Variants in C8orf34 observed in about 807,000 individuals in gnomAD.
The protein encoded by C8orf34 is uncharacterized protein C8orf34.
In C8orf34, 65 loss-of-function variants were observed where a neutral mutation model predicts 68.3. That is an observed-to-expected ratio of 0.95 (90% CI 0.78 to 1.17). The LOEUF (loss-of-function observed/expected upper bound fraction) is 1.17. C8orf34 is among the 50% of genes most tolerant of loss of function. C8orf34 has a pLI of 0.00. For missense variants in C8orf34, 664 were observed against 655.4 expected (o/e 1.01, Z -0.14); for synonymous variants, 244 against 241.2 (o/e 1.01, Z -0.11).
rs545258846 is a variant in C8orf34, at chr8:68,578,642, C to CTATATATATATA, written c.1105+45497_1105+45508dup. ...TCTATAGTTCATTGCAGATTAAATACTATATATATATATATTTCAATATTG... is the reference window on the plus strand; with the variant it reads ...TCTATAGTTCATTGCAGATTAAATACTATATATATATATATATATATATATATTTCAATATTG... On this transcript the variant is annotated intron_variant, in intron 7 of 13. Coordinates refer to ENST00000518698, the MANE Select transcript of C8orf34 (RefSeq NM_052958.4). Among the ~76,000 whole-genome samples the CTATATATATATA allele has an allele frequency of 9.6e-4, 143 of 148,798 alleles. 1 individual carries two copies. Among genetic ancestry groups the CTATATATATATA allele is most frequent in the African/African-American group, 3.4e-3 (136 of 39,694 alleles).
chr8:68,467,719 T>C (rs1314114258), intron 3 of C8orf34, among the ~76,000 whole-genome samples: 1 of 151,974 alleles, frequency 6.6e-6, no homozygotes, highest in Non-Finnish European at 1.5e-5. Context: ...AAGATAAATT[T>C]TTCAGTCCTT....
chr8:68,563,002 T>C (rs1042946575), intron 7 of C8orf34, among the ~76,000 whole-genome samples: 1 of 152,172 alleles, frequency 6.6e-6, no homozygotes, highest in Non-Finnish European at 1.5e-5. Flanking sequence ...ACTATAATTT[T>C]TTAAAACACA....
At chr8:68,626,559 G>T (rs1188332206) in intron 7 of C8orf34, among the ~76,000 whole-genome samples, 4 of 152,080 alleles carry the variant, frequency 2.6e-5, no homozygotes, top group Non-Finnish European at 5.9e-5. Context: ...CAATGCAGAA[G>T]CACTTATAAA....
chr8:68,508,058 A>T (rs1462979483), intron 5 of C8orf34, among the ~76,000 whole-genome samples: 1 of 152,226 alleles, frequency 6.6e-6, no homozygotes, highest in African/African-American at 2.4e-5. Flanking sequence ...TCACAAAGAT[A>T]TATATTAATC....
intron 10 of C8orf34, among the ~76,000 whole-genome samples, chr8:68,737,608 C>A (rs1461267199): frequency 6.6e-6 from 1 of 151,714 alleles, no homozygotes; most frequent in Non-Finnish European, 1.5e-5. Context: ...CAGAAAAAAG[C>A]AGGGGTAGCA....
chr8:68,410,246 A>G lies in C8orf34; in HGVS notation c.328-29253A>G, dbSNP rs143795032. 7.4e-4 allele frequency among the ~76,000 whole-genome samples: 112 copies of G among 152,278 alleles called. 1 individual carries two copies. The highest frequency in any genetic ancestry group is 2.6e-3 in the African/African-American group (109 of 41,556). On this transcript the variant is annotated intron_variant, in intron 1 of 13. Coordinates refer to ENST00000518698, the MANE Select transcript of C8orf34 (RefSeq NM_052958.4). ...GGTGAGTTGGGTAGAGAGGTTAGCA[A>G]TCAGGCTTCCTTGTACAATACAGTT... is the stretch of plus-strand genomic sequence containing the variant.
intron 8 of C8orf34, among the ~76,000 whole-genome samples, chr8:68,652,528 A>T (rs1321302549): frequency 6.6e-6 from 1 of 152,122 alleles, no homozygotes; most frequent in Non-Finnish European, 1.5e-5. Flanking sequence ...ATCTTCTAAG[A>T]GTTTTGTAAA....
intron 6 of C8orf34, among the ~76,000 whole-genome samples, chr8:68,523,836 C>A (rs1235289115): frequency 6.6e-6 from 1 of 152,042 alleles, no homozygotes; most frequent in Non-Finnish European, 1.5e-5. Flanking sequence ...TAGAAATGAA[C>A]CTGTACTATA....
intron 7 of C8orf34, among the ~76,000 whole-genome samples, chr8:68,629,385 C>G (rs1051128833): frequency 3.9e-5 from 6 of 152,124 alleles, no homozygotes; most frequent in African/African-American, 1.2e-4. Context: ...TTCACTACAC[C>G]CTACTGAATC....
intron 8 of C8orf34, 81 bp downstream of exon 8, chr8:68,640,592 C>T: frequency 1.5e-6 from 2 of 1,350,624 alleles, no homozygotes; most frequent in Admixed American, 2.2e-5. Context: ...AGATTGTACT[C>T]TTCTGTGTTA....
At chr8:68,373,646 ATTTC>A (rs1390960298) in intron 1 of C8orf34, among the ~76,000 whole-genome samples, 2 of 152,148 alleles carry the variant, frequency 1.3e-5, no homozygotes, top group Non-Finnish European at 2.9e-5. Context: ...GGTAAAATTT[ATTTC>A]TTTAAGTTAC....
intron 9 of C8orf34, among the ~76,000 whole-genome samples, chr8:68,720,773 G>T (rs1015729906): frequency 4.6e-5 from 7 of 151,600 alleles, no homozygotes; most frequent in Non-Finnish European, 1.5e-5. Context: ...ATATGAAAAA[G>T]GTTGCATCAT....
At position 68,790,752 on chromosome 8, in the gene C8orf34, T is replaced by C. The variant is rs1823971118; in HGVS notation, c.1549+3216T>C. The C allele has an allele frequency of 1.8e-5, 11 of 599,818 alleles. No individual in the cohort carries two copies. The South Asian group carries it at 2.1e-4, about 11-fold the overall frequency. The allele number at this position is 599,818 out of a possible 1,614,324, so 37.2% of individuals were successfully genotyped here. On this transcript the variant is annotated intron_variant, in intron 12 of 13. Coordinates refer to ENST00000518698, the MANE Select transcript of C8orf34 (RefSeq NM_052958.4). ...GTCTGAAGTCACTAAACAAATCAAA[T>C]TCCAAATATTTGAATCTACTGGGGT...
chr8:68,651,563 C>T (rs767720688), intron 8 of C8orf34, among the ~76,000 whole-genome samples: 7 of 152,114 alleles, frequency 4.6e-5, no homozygotes, highest in African/African-American at 1.4e-4. Context: ...GTATACTGGC[C>T]GCTATGAAAA....
intron 3 of C8orf34, among the ~76,000 whole-genome samples, chr8:68,466,824 C>G (rs1240879872): frequency 6.8e-6 from 1 of 147,682 alleles, no homozygotes; most frequent in Non-Finnish European, 1.5e-5. Flanking sequence ...GTCACAGGGT[C>G]GGTGCATTTT....
intron 7 of C8orf34, among the ~76,000 whole-genome samples, chr8:68,536,761 G>A (rs1471247656): frequency 6.6e-6 from 1 of 151,950 alleles, no homozygotes; most frequent in African/African-American, 2.4e-5. Context: ...ATGCTAAAAA[G>A]GAAAACAATA....
Position 68,731,658 on chromosome 8 carries a change from A to T in C8orf34, c.1404+10221A>T, listed in dbSNP as rs191969121. Among the ~76,000 whole-genome samples, 484 of 152,334 alleles carry T rather than the reference A, an allele frequency of 3.2e-3. 2 individuals carry two copies. The highest frequency in any genetic ancestry group is 6.8e-3 in the Middle Eastern group (2 of 294). On this transcript the variant is annotated intron_variant, in intron 10 of 13. Coordinates refer to ENST00000518698, the MANE Select transcript of C8orf34 (RefSeq NM_052958.4). ...AAAATTACATCTATCTTACAAGCTA[A>T]ACGCAATAAGCATATTCTTACATAA...
At chr8:68,403,617 G>A (rs971786397) in intron 1 of C8orf34, among the ~76,000 whole-genome samples, 2 of 151,720 alleles carry the variant, frequency 1.3e-5, no homozygotes, top group Admixed American at 6.6e-5. Context: ...TCCCACTTAT[G>A]AGTGAGAACA....
intron 7 of C8orf34, among the ~76,000 whole-genome samples, chr8:68,610,865 T>G (rs1485837499): frequency 2.3e-5 from 3 of 129,126 alleles, no homozygotes; most frequent in African/African-American, 1.0e-4. Context: ...TCTTTGGTTT[T>G]TTTTTTTTTT....
Sources: allele counts gnomAD v4.1 joint callset (sites outside exome capture counted in the v4.1 genomes callset), GRCh38; gene constraint gnomAD v4.1.1; transcripts MANE v1.5; gene names NCBI Gene and HGNC (gene_info 2026-07-23, HGNC 2026-07-21).